The following ATP9A variants were observed in gnomAD, a reference collection of about 807,000 sequenced individuals.
ATP9A encodes ATPase phospholipid transporting 9A, also known as probable phospholipid-transporting ATPase IIA.
Under a neutral mutation model 144.1 loss-of-function variants are expected in ATP9A, and 52 were observed. The observed-to-expected ratio is 0.36, with a 90% CI of 0.29 to 0.45. ATP9A has a LOEUF of 0.45. Among genes scored for constraint, ATP9A ranks in the 20% least tolerant of loss-of-function variants. The pLI is 1.00. For missense variants in ATP9A, 947 were observed against 1,392.7 expected, an observed-to-expected ratio of 0.68 and a Z score of 5.09; for synonymous variants, 582 against 557.4, an observed-to-expected ratio of 1.04 and a Z score of -0.62.
In ATP9A at chr20:51,618,973, A is replaced by G; in HGVS notation, c.2186T>C (p.Ile729Thr). 6.2e-7 allele frequency: 1 copy of G among 1,614,144 alleles called. No homozygotes were observed. Among genetic ancestry groups the G allele is most frequent in the Non-Finnish European group, 8.5e-7 (1 of 1,180,010 alleles). The change falls in exon 20 of 28, where the codon ATC becomes ACC. Residue 729 changes from isoleucine to threonine, a missense_variant. Around this residue, in one of 2 missense-constraint regions of ATP9A, gnomAD observed 770 missense variants for 1,047.9 expected, o/e 0.73. Coordinates refer to ENST00000338821, the MANE Select transcript of ATP9A (RefSeq NM_006045.3). ...GCTCACCTCCAGGGAGTCTCCCGAG[A>G]TGACCAGGGCACAATCATGCTTCCT... The part of the protein sequence containing the change: ...FRRKHDCALV[I>T]SGDSLEVCLK...
At chr20:51,650,933 A>T (rs2077361549) in intron 14 of ATP9A, among the ~76,000 whole-genome samples, 1 of 151,052 alleles carries the variant, frequency 6.6e-6, no homozygotes, top group Admixed American at 6.6e-5. Flanking sequence ...GTATACCTGA[A>T]CACAAGCGTA....
At chr20:51,606,065 C>G (rs377358942) in intron 26 of ATP9A, among the ~76,000 whole-genome samples, 1 of 151,910 alleles carries the variant, frequency 6.6e-6, no homozygotes, top group Non-Finnish European at 1.5e-5. Context: ...GTCAGGAGTT[C>G]GAGACCAGCC....
chr20:51,691,527 A>G (rs1248948217), intron 7 of ATP9A, among the ~76,000 whole-genome samples: 1 of 152,154 alleles, frequency 6.6e-6, no homozygotes, highest in Non-Finnish European at 1.5e-5. Context: ...CTCTGTATAA[A>G]CCTCTGGGAA....
chr20:51,635,077 G>A (rs1482996777), intron 15 of ATP9A, among the ~76,000 whole-genome samples: 1 of 152,124 alleles, frequency 6.6e-6, no homozygotes, highest in Non-Finnish European at 1.5e-5. Flanking sequence ...ATAACAGCAT[G>A]AGGCTGACGT....
At chr20:51,645,196 C>T (rs1410957643) in intron 14 of ATP9A, among the ~76,000 whole-genome samples, 1 of 152,190 alleles carries the variant, frequency 6.6e-6, no homozygotes. Flanking sequence ...TGTAGCCCTT[C>T]CCCACCCCTG....
intron 15 of ATP9A, among the ~76,000 whole-genome samples, chr20:51,635,495 T>C (rs1406142476): frequency 6.6e-6 from 1 of 152,026 alleles, no homozygotes; most frequent in Non-Finnish European, 1.5e-5. Context: ...CCCAGCACTT[T>C]GGGAGGTCGA....
At chr20:51,734,008 ACT>A (rs2077753146) in intron 1 of ATP9A, among the ~76,000 whole-genome samples, 1 of 151,488 alleles carries the variant, frequency 6.6e-6, no homozygotes, top group African/African-American at 2.4e-5. Context: ...ATGGGGTCTC[ACT>A]CTGTCGCCCA....
chr20:51,679,736 G>C (rs1276844597), intron 9 of ATP9A, among the ~76,000 whole-genome samples: 1 of 152,202 alleles, frequency 6.6e-6, no homozygotes, highest in African/African-American at 2.4e-5. Flanking sequence ...AGTTCTAACT[G>C]ACTCTCTGGA....
intron 27 of ATP9A, among the ~76,000 whole-genome samples, chr20:51,603,940 C>T (rs1206854007): frequency 6.6e-6 from 1 of 152,080 alleles, no homozygotes; most frequent in Non-Finnish European, 1.5e-5. Context: ...GCCACCACGC[C>T]CTGCTGATTT....
intron 22 of ATP9A, among the ~76,000 whole-genome samples, chr20:51,614,130 A>T (rs199789129): frequency 6.6e-6 from 1 of 152,228 alleles, no homozygotes; most frequent in Non-Finnish European, 1.5e-5. Context: ...TTAAAAATAG[A>T]TATTTTAAAA....
At chr20:51,744,442 A>T (rs185385604) in intron 1 of ATP9A, among the ~76,000 whole-genome samples, 125 of 152,334 alleles carry the variant, frequency 8.2e-4, no homozygotes, top group African/African-American at 2.8e-3. Context: ...GATTACAAGC[A>T]TGAGCCACCG....
intron 13 of ATP9A, among the ~76,000 whole-genome samples, chr20:51,660,527 T>C (rs1300217305): frequency 6.6e-6 from 1 of 152,218 alleles, no homozygotes; most frequent in Non-Finnish European, 1.5e-5. Context: ...GGCCACAGGT[T>C]CAATGCCTCC....
intron 4 of ATP9A, among the ~76,000 whole-genome samples, chr20:51,703,087 A>AAT (rs1272111888): frequency 1.3e-5 from 2 of 152,118 alleles, no homozygotes; most frequent in Non-Finnish European, 2.9e-5. Context: ...CTTCACTGTT[A>AAT]ATGTCTTAAA....
Position 51,600,914 on chromosome 20 carries a change from A to C in ATP9A, c.*297T>G. ...GACAACAAAATTCAAGTCATAAGGA[A>C]GCTCGCACAGTGACCCATATAAATC... On this transcript the variant is annotated 3_prime_UTR_variant, in exon 28 of 28. Transcript: ENST00000338821. 1 of 247,726 alleles carries C rather than the reference A, an allele frequency of 4.0e-6. No homozygotes were observed. The highest frequency in any genetic ancestry group is 7.8e-6 in the Non-Finnish European group (1 of 128,972). The allele number at this position is 247,726 out of a possible 1,614,324, so 15.3% of individuals were successfully genotyped here.
intron 5 of ATP9A, 130 bp from the exon 6 acceptor site, chr20:51,696,274 C>G: frequency 1.5e-6 from 1 of 663,482 alleles, no homozygotes; most frequent in South Asian, 2.1e-5. Flanking sequence ...CTCACAGACT[C>G]TTTTACGTTT....
chr20:51,674,324 A>T lies in ATP9A; in HGVS notation c.877-11T>A. 6.2e-7 allele frequency: 1 copy of T among 1,612,346 alleles called. No homozygotes were observed. Among genetic ancestry groups the T allele is most frequent in the Non-Finnish European group, 8.5e-7 (1 of 1,179,784 alleles). ...GTCGAACAGGCCGATCTGTGGGACG[A>T]AGCACAAACCAGGGCTTGAGATGAG... On this transcript the variant is annotated splice_polypyrimidine_tract_variant and intron_variant, in intron 10 of 27. Coordinates refer to ENST00000338821, the MANE Select transcript of ATP9A (RefSeq NM_006045.3).
At chr20:51,630,773 C>A (rs1460910589) in intron 15 of ATP9A, among the ~76,000 whole-genome samples, 1 of 152,172 alleles carries the variant, frequency 6.6e-6, no homozygotes, top group Non-Finnish European at 1.5e-5. Context: ...CCCATGAACA[C>A]CCCCGATTCC....
chr20:51,669,921 T>C (rs2077448726), intron 13 of ATP9A, 76 bp downstream of exon 13: 1 of 993,546 alleles, frequency 1.0e-6, no homozygotes, highest in East Asian at 2.4e-5. Context: ...TACGGTATTG[T>C]GAATTACATC....
At chr20:51,607,767 G>C (rs2077169353) in intron 25 of ATP9A, among the ~76,000 whole-genome samples, 183 bp from the exon 26 acceptor site, 2 of 152,136 alleles carry the variant, frequency 1.3e-5, no homozygotes, top group African/African-American at 4.8e-5. Flanking sequence ...GAATTGGCCA[G>C]GCATGGTGGC....
Sources: gnomAD v4.1 joint callset for allele counts (sites outside exome capture counted in the v4.1 genomes callset) on GRCh38, gnomAD v4.1.1 for gene constraint, gnomAD v4.1.1 regional missense constraint, MANE v1.5 for transcripts, NCBI Gene and HGNC (gene_info 2026-07-23, HGNC 2026-07-21) for gene names.